Variants in RALA observed in about 807,000 individuals in gnomAD.
The protein encoded by RALA is RAS like proto-oncogene A.
A neutral mutation model predicts 24.0 loss-of-function variants in RALA; 5 were observed. The observed-to-expected ratio is 0.21, with a 90% CI of 0.11 to 0.44. The LOEUF (loss-of-function observed/expected upper bound fraction) is 0.44, where lower values mean the gene tolerates loss of function less well. Among genes scored for constraint, RALA ranks in the 20% least tolerant of loss-of-function variants. The pLI, the probability that RALA is intolerant of heterozygous loss-of-function variation, is 0.99. For missense variants in RALA, 95 were observed against 241.2 expected (o/e 0.39, Z 4.01); for synonymous variants, 77 against 83.8 (o/e 0.92, Z 0.44).
intron 1 of RALA, among the ~76,000 whole-genome samples, chr7:39,661,151 G>T (rs916250929): frequency 1.3e-5 from 2 of 152,120 alleles, no homozygotes; most frequent in African/African-American, 2.4e-5. Context: ...GGGGGAAACT[G>T]CCCCCATGAT....
intron 1 of RALA, among the ~76,000 whole-genome samples, chr7:39,683,506 G>A (rs1792642205): frequency 6.6e-6 from 1 of 152,076 alleles, no homozygotes. Flanking sequence ...ATTTGTGTAT[G>A]TGTTTGTCTT....
rs1343538834 is a variant in RALA at position 39,656,765 on chromosome 7, A to T, written c.-37-29866A>T. Among the ~76,000 whole-genome samples, 3 of 152,206 alleles carry T rather than the reference A, an allele frequency of 2.0e-5. No homozygotes were observed. In the East Asian group the frequency reaches 5.8e-4, roughly 29 times the overall value. Reference sequence around the variant, plus strand: ...GTACCAGTTACTAAGTAAAACAAACATGCTCAGCCCATCTCTTGATCTGGA... The same window carrying T: ...GTACCAGTTACTAAGTAAAACAAACTTGCTCAGCCCATCTCTTGATCTGGA... On this transcript the variant is annotated intron_variant, in intron 1 of 4. Coordinates refer to ENST00000005257, the MANE Select transcript of RALA (RefSeq NM_005402.4).
In RALA at chr7:39,692,494, G is replaced by A. The variant is rs575153351; in HGVS notation, c.323+1904G>A. Among the ~76,000 whole-genome samples, 8 of 152,236 alleles carry A rather than the reference G, an allele frequency of 5.3e-5. No homozygotes were observed. The East Asian group carries it at 1.2e-3, about 22-fold the overall frequency. ...TTCCCTATTCTGAAATTCTGTAATAGCCTCTAAAACTGTATTTAAAGGGAG... is the reference window on the plus strand; with the variant it reads ...TTCCCTATTCTGAAATTCTGTAATAACCTCTAAAACTGTATTTAAAGGGAG... On this transcript the variant is annotated intron_variant, in intron 3 of 4. Coordinates refer to ENST00000005257, the MANE Select transcript of RALA (RefSeq NM_005402.4).
chr7:39,696,543 T>C, intron 3 of RALA, 142 bp from the exon 4 acceptor site: 10 of 632,020 alleles, frequency 1.6e-5, no homozygotes, highest in Non-Finnish European at 2.3e-5. Flanking sequence ...GCTAATACTG[T>C]ATCGATATTG....
At chr7:39,696,198 G>A (rs542294135) in intron 3 of RALA, among the ~76,000 whole-genome samples, 2 of 152,148 alleles carry the variant, frequency 1.3e-5, no homozygotes, top group African/African-American at 4.8e-5. Flanking sequence ...GGCACATTTG[G>A]GTTTTGAAAA....
intron 1 of RALA, among the ~76,000 whole-genome samples, chr7:39,666,672 A>G (rs1792291173): frequency 6.6e-6 from 1 of 152,206 alleles, no homozygotes; most frequent in South Asian, 2.1e-4. Flanking sequence ...TTACTACTTT[A>G]TATTTTCTTT....
chr7:39,683,317 G>A (rs1288164212), intron 1 of RALA, among the ~76,000 whole-genome samples: 1 of 151,918 alleles, frequency 6.6e-6, no homozygotes, highest in African/African-American at 2.4e-5. Context: ...CTTTGTACTT[G>A]TTATTCCCTG....
chr7:39,657,648 A>G (rs1038333698), intron 1 of RALA, among the ~76,000 whole-genome samples: 1 of 152,130 alleles, frequency 6.6e-6, no homozygotes, highest in Non-Finnish European at 1.5e-5. Context: ...GCAGCCAGAC[A>G]TGGTGGCTGA....
At chr7:39,639,844 A>G (rs1403702962) in intron 1 of RALA, among the ~76,000 whole-genome samples, 1 of 151,940 alleles carries the variant, frequency 6.6e-6, no homozygotes, top group Non-Finnish European at 1.5e-5. Context: ...ACACACGCAC[A>G]CTCACTCAGA....
Position 39,708,029 on chromosome 7 carries a change from G to C in RALA, c.*1784G>C, listed in dbSNP as rs1390969865. The C allele has an allele frequency of 6.6e-6, 1 of 152,636 alleles. No homozygotes were observed. The highest frequency in any genetic ancestry group is 2.1e-4 in the South Asian group (1 of 4,830). The allele number at this position is 152,636 out of a possible 1,614,324, so 9.5% of individuals were successfully genotyped here. A position where few individuals can be genotyped will look rare whatever the true frequency, so the allele number is the denominator to read the frequency against. ...AGGTGCTATGAAGCCAACTGACAAAGATGCATCACGTGTCTTAGGCTGATG... is the reference window on the plus strand; with the variant it reads ...AGGTGCTATGAAGCCAACTGACAAACATGCATCACGTGTCTTAGGCTGATG... On this transcript the variant is annotated 3_prime_UTR_variant, in exon 5 of 5. Coordinates refer to ENST00000005257, the MANE Select transcript of RALA (RefSeq NM_005402.4).
At chr7:39,664,806 CAA>C (rs560836047) in intron 1 of RALA, among the ~76,000 whole-genome samples, 2 of 141,680 alleles carry the variant, frequency 1.4e-5, no homozygotes. Context: ...GTGGACGTGC[CAA>C]AAAAAAAAAA....
intron 1 of RALA, among the ~76,000 whole-genome samples, chr7:39,635,588 C>T (rs1383145678): frequency 6.6e-6 from 1 of 152,134 alleles, no homozygotes; most frequent in African/African-American, 2.4e-5. Flanking sequence ...GCACCAGGGA[C>T]TGGTTTTGTG....
intron 1 of RALA, among the ~76,000 whole-genome samples, chr7:39,659,925 A>G (rs1458134206): frequency 2.0e-5 from 3 of 152,222 alleles, no homozygotes; most frequent in Non-Finnish European, 4.4e-5. Context: ...CTCTCAAAAA[A>G]TAGTAATAAA....
chr7:39,674,045 AT>A (rs879575774), intron 1 of RALA, among the ~76,000 whole-genome samples: 53,489 of 147,606 alleles, frequency 0.36, 10,784 homozygotes, highest in East Asian at 0.55. Flanking sequence ...TGCACTGTAA[AT>A]AAATAAATAA....
At chr7:39,657,345 A>T (rs548360897) in intron 1 of RALA, among the ~76,000 whole-genome samples, 1 of 152,172 alleles carries the variant, frequency 6.6e-6, no homozygotes, top group Non-Finnish European at 1.5e-5. Flanking sequence ...ATTTCCTCAT[A>T]TAAAAAATGA....
chr7:39,663,249 C>T (rs1435266297), intron 1 of RALA, among the ~76,000 whole-genome samples: 2 of 152,138 alleles, frequency 1.3e-5, no homozygotes, highest in African/African-American at 4.8e-5. Context: ...TGTAAAGATT[C>T]AGTATTAAAT....
chr7:39,688,769 G>A (rs1429756340), intron 2 of RALA, among the ~76,000 whole-genome samples: 2 of 151,966 alleles, frequency 1.3e-5, no homozygotes, highest in Non-Finnish European at 2.9e-5. Flanking sequence ...GCGACGGGGT[G>A]TATCCGTCTG....
chr7:39,640,326 T>G (rs1311717906), intron 1 of RALA, among the ~76,000 whole-genome samples: 1 of 152,228 alleles, frequency 6.6e-6, no homozygotes, highest in African/African-American at 2.4e-5. Context: ...CATGAGCCAC[T>G]GTACCCAGCG....
rs1792711433 is a variant in RALA, at chr7:39,686,800, A to G, written c.114+19A>G. On this transcript the variant is annotated intron_variant, in intron 2 of 4. Coordinates refer to ENST00000005257, the MANE Select transcript of RALA (RefSeq NM_005402.4). ...CGATGAGGTAAGTGCTAATTTTATA[A>G]TGGATCAAAGTTTAGGCTTTCAGAG... is the stretch of plus-strand genomic sequence containing the variant. 6.4e-7 allele frequency: 1 copy of G among 1,568,734 alleles called. No individual in the cohort carries two copies. Among genetic ancestry groups the G allele is most frequent in the Non-Finnish European group, 8.8e-7 (1 of 1,138,930 alleles).
Sources: gnomAD v4.1 joint callset for allele counts (sites outside exome capture counted in the v4.1 genomes callset) on GRCh38, gnomAD v4.1.1 for gene constraint, MANE v1.5 for transcripts, NCBI Gene and HGNC (gene_info 2026-07-23, HGNC 2026-07-21) for gene names.